NTRK3: variants seen among roughly 807,000 people sequenced by gnomAD.
NTRK3 encodes the protein neurotrophic receptor tyrosine kinase 3, also known as NT-3 growth factor receptor.
Under a neutral mutation model 91.7 loss-of-function variants are expected in NTRK3, and 24 were observed. The ratio of observed to expected loss-of-function variants is 0.26; its 90% confidence interval spans 0.19 to 0.37. NTRK3 has a LOEUF of 0.37. Ranked by LOEUF, NTRK3 falls within the 10% of genes least tolerant of loss-of-function variation. The pLI is 1.00. For synonymous variants in NTRK3, 483 were observed against 404.0 expected, an observed-to-expected ratio of 1.20 and a Z score of -2.34; for missense variants, 880 against 1,068.9, an observed-to-expected ratio of 0.82 and a Z score of 2.46.
chr15:88,062,357 A>G (rs371631355), intron 13 of NTRK3, among the ~76,000 whole-genome samples: 33 of 152,264 alleles, frequency 2.2e-4, no homozygotes, highest in African/African-American at 6.3e-4. Context: ...CCCCTTTCCC[A>G]TTGTTATTAG....
At chr15:88,231,772 A>G (rs1598083842) in intron 3 of NTRK3, among the ~76,000 whole-genome samples, 1 of 152,222 alleles carries the variant, frequency 6.6e-6, no homozygotes, top group Non-Finnish European at 1.5e-5. Flanking sequence ...TGACTCTAGT[A>G]TCCACCTTAC....
chr15:88,091,186 A>G (rs1253772420), intron 13 of NTRK3, among the ~76,000 whole-genome samples: 1 of 152,184 alleles, frequency 6.6e-6, no homozygotes, highest in African/African-American at 2.4e-5. Context: ...TGAAAGGGGA[A>G]AAAGGTTAGA....
intron 18 of NTRK3, among the ~76,000 whole-genome samples, chr15:87,878,869 A>T (rs1218081724): frequency 6.6e-6 from 1 of 151,256 alleles, no homozygotes; most frequent in African/African-American, 2.4e-5. Context: ...TACTGGGGCC[A>T]CCAAACTACA....
intron 14 of NTRK3, among the ~76,000 whole-genome samples, chr15:88,013,795 T>G (rs146078570): frequency 3.3e-5 from 5 of 152,174 alleles, no homozygotes; most frequent in Non-Finnish European, 5.9e-5. Context: ...TGAGCCCAGG[T>G]AGCAGGCGTG....
intron 13 of NTRK3, among the ~76,000 whole-genome samples, chr15:88,122,148 CACAG>C (rs1436028239): frequency 1.3e-5 from 2 of 152,198 alleles, no homozygotes; most frequent in African/African-American, 4.8e-5. Context: ...TTAAAACACT[CACAG>C]AGTAATGCAT....
intron 13 of NTRK3, among the ~76,000 whole-genome samples, chr15:88,083,212 G>A (rs2048210827): frequency 1.3e-5 from 2 of 152,008 alleles, no homozygotes; most frequent in South Asian, 4.1e-4. Context: ...CAGGAGAGAG[G>A]GGAGTGGTAT....
At position 88,033,210 on chromosome 15, in the gene NTRK3, A is replaced by ATATATATG. The variant is rs1301860999; in HGVS notation, c.1397-166_1397-165insCATATATA. On this transcript the variant is annotated intron_variant, in intron 13 of 18. Coordinates refer to ENST00000394480, the Ensembl canonical transcript of NTRK3. ...TATATATATATATATATATATATAT[A>ATATATATG]TATATAAATTCAGTTGTTTGGGTTT... Among the ~76,000 whole-genome samples, 197 of 121,284 alleles carry ATATATATG rather than the reference A, an allele frequency of 1.6e-3. 5 individuals are homozygous for ATATATATG. Among genetic ancestry groups the ATATATATG allele is most frequent in the African/African-American group, 6.5e-3 (187 of 28,578 alleles). 79.6% of individuals were successfully genotyped at this position (121,284 alleles called of 152,430 possible).
chr15:88,000,439 C>G (rs1334458165), intron 14 of NTRK3, among the ~76,000 whole-genome samples: 1 of 152,070 alleles, frequency 6.6e-6, no homozygotes, highest in Non-Finnish European at 1.5e-5. Flanking sequence ...TAAAATTCAC[C>G]CTTTAAAACT....
intron 17 of NTRK3, among the ~76,000 whole-genome samples, chr15:87,894,004 A>G (rs2065977797): frequency 6.6e-6 from 1 of 152,266 alleles, no homozygotes. Context: ...ATGGTCTATC[A>G]GGAGATTGTC....
intron 3 of NTRK3, among the ~76,000 whole-genome samples, chr15:88,194,979 T>A (rs2047694980): frequency 6.6e-6 from 1 of 152,182 alleles, no homozygotes. Flanking sequence ...CTAGCTAGGG[T>A]CATTCTCTGA....
intron 13 of NTRK3, among the ~76,000 whole-genome samples, chr15:88,039,212 T>G (rs1185158294): frequency 6.6e-6 from 1 of 152,028 alleles, no homozygotes; most frequent in East Asian, 1.9e-4. Flanking sequence ...GCCTCTCTGC[T>G]GTCACTAATC....
At chr15:87,998,432 A>C (rs926413395) in intron 14 of NTRK3, among the ~76,000 whole-genome samples, 1 of 152,238 alleles carries the variant, frequency 6.6e-6, no homozygotes, top group Non-Finnish European at 1.5e-5. Context: ...TGGTGGCTGT[A>C]TGTGTTATGG....
intron 14 of NTRK3, among the ~76,000 whole-genome samples, chr15:87,996,574 G>A (rs2075722492): frequency 6.6e-6 from 1 of 152,200 alleles, no homozygotes; most frequent in Admixed American, 6.5e-5. Context: ...GAGAGCAACG[G>A]AAAAGAAGTT....
At chr15:88,086,032 G>A (rs951908474) in intron 13 of NTRK3, among the ~76,000 whole-genome samples, 1 of 152,210 alleles carries the variant, frequency 6.6e-6, no homozygotes, top group Non-Finnish European at 1.5e-5. Flanking sequence ...ACCAATGCAT[G>A]GAGCAGAGTG....
exon 18 of NTRK3, chr15:87,880,424 C>T: frequency 6.2e-7 from 1 of 1,613,998 alleles, no homozygotes; most frequent in Non-Finnish European, 8.5e-7. Context: ...GGTGTGTCCT[C>T]CCACCTAAAA....
At chr15:88,122,872 C>G (rs1490303286) in intron 13 of NTRK3, among the ~76,000 whole-genome samples, 1 of 152,114 alleles carries the variant, frequency 6.6e-6, no homozygotes, top group Non-Finnish European at 1.5e-5. Context: ...TCATTCATTT[C>G]TAAATTCAAC....
At chr15:88,059,591 C>A (rs2046025062) in intron 13 of NTRK3, among the ~76,000 whole-genome samples, 1 of 152,182 alleles carries the variant, frequency 6.6e-6, no homozygotes, top group South Asian at 2.1e-4. Context: ...CCTCAATCAA[C>A]ACAGGACAAG....
At chr15:87,921,819 C>T (rs1474576560) in intron 17 of NTRK3, among the ~76,000 whole-genome samples, 1 of 151,926 alleles carries the variant, frequency 6.6e-6, no homozygotes, top group African/African-American at 2.4e-5. Context: ...TGCAATATTT[C>T]CAGGCTGCTA....
chr15:88,215,132 G>A (rs1282940588), intron 3 of NTRK3, among the ~76,000 whole-genome samples: 1 of 152,216 alleles, frequency 6.6e-6, no homozygotes, highest in Non-Finnish European at 1.5e-5. Context: ...CACACCATAA[G>A]CACTGTGGGT....
Sources: gnomAD v4.1 joint callset for allele counts (sites outside exome capture counted in the v4.1 genomes callset) on GRCh38, gnomAD v4.1.1 for gene constraint, MANE v1.5 for transcripts, NCBI Gene and HGNC (gene_info 2026-07-23, HGNC 2026-07-21) for gene names.